Variants in ZNF536 observed in about 807,000 individuals in gnomAD.
ZNF536 encodes zinc finger protein 536.
ZNF536 carries 13 observed loss-of-function variants against 84.5 expected under a neutral mutation model. The observed-to-expected ratio is 0.15, with a 90% CI of 0.10 to 0.24. ZNF536 has a LOEUF of 0.24. Ranked by LOEUF, ZNF536 falls within the 10% of genes least tolerant of loss-of-function variation. The probability of loss-of-function intolerance (pLI) is 1.00; values close to 1 mark genes in which losing one functional copy is unlikely to be tolerated. For synonymous variants in ZNF536, 811 were observed against 742.5 expected, an observed-to-expected ratio of 1.09 and a Z score of -1.50; for missense variants, 1,536 against 1,747.5, an observed-to-expected ratio of 0.88 and a Z score of 2.16.
At chr19:30,305,722 C>T (rs1286399556) in intron 2 of ZNF536, among the ~76,000 whole-genome samples, 1 of 152,188 alleles carries the variant, frequency 6.6e-6, no homozygotes, top group Non-Finnish European at 1.5e-5. Context: ...GCCCACTGTT[C>T]AACACCTGAA....
chr19:30,487,293 G>A lies in ZNF536; in HGVS notation c.2170+41561G>A, dbSNP rs190511938. On this transcript the variant is annotated intron_variant, in intron 2 of 4. Coordinates refer to ENST00000355537, the MANE Select transcript of ZNF536 (RefSeq NM_014717.3). The stretch of plus-strand genomic sequence containing the variant: ...AACAGGAATTGTGTTAAAATGTATG[G>A]CACTGGGGCATTCCATGGAGACAGA... Among the ~76,000 whole-genome samples, 29 of 152,302 alleles carry A rather than the reference G, an allele frequency of 1.9e-4. No homozygotes were observed. The East Asian group carries it at 5.0e-3, about 26-fold the overall frequency.
At position 30,647,980 on chromosome 19, in the gene ZNF536, A is replaced by G. The variant is rs910857004; in HGVS notation, c.170-62777A>G. ...CTCTCATATGAAGTCAGCTTCAGCC[A>G]GGAAGCTTGCCTTCACTTTTCTTCT... is the stretch of plus-strand genomic sequence containing the variant. On this transcript the variant is annotated intron_variant, in intron 1 of 1. Coordinates refer to the ZNF536 transcript ENST00000592773. 2.0e-5 allele frequency among the ~76,000 whole-genome samples: 3 copies of G among 152,190 alleles called. No individual in the cohort carries two copies. The South Asian group carries it at 6.2e-4, about 32-fold the overall frequency.
intron 2 of ZNF536, among the ~76,000 whole-genome samples, chr19:30,336,167 A>G (rs1473073926): frequency 6.6e-6 from 1 of 152,186 alleles, no homozygotes; most frequent in Non-Finnish European, 1.5e-5. Context: ...GCATGAGAGT[A>G]AGGCAGAACC....
At chr19:30,301,892 G>C (rs1435363945) in intron 2 of ZNF536, among the ~76,000 whole-genome samples, 1 of 151,402 alleles carries the variant, frequency 6.6e-6, no homozygotes, top group South Asian at 2.1e-4. Context: ...AGAGGTCCCT[G>C]CCAGGTGCCG....
At chr19:30,467,042 T>C (rs989632745) in intron 2 of ZNF536, among the ~76,000 whole-genome samples, 3 of 152,180 alleles carry the variant, frequency 2.0e-5, no homozygotes, top group African/African-American at 7.2e-5. Flanking sequence ...AGTTTCACCA[T>C]GTTGGCCAGG....
intron 1 of ZNF536, among the ~76,000 whole-genome samples, chr19:30,567,867 T>A (rs574842276): frequency 2.2e-4 from 33 of 152,274 alleles, no homozygotes; most frequent in African/African-American, 7.7e-4. Context: ...GTGGGTGGGA[T>A]CTGAACTTGA....
chr19:30,617,071 T>A (rs780973388), intron 1 of ZNF536, among the ~76,000 whole-genome samples: 3 of 152,084 alleles, frequency 2.0e-5, no homozygotes, highest in Non-Finnish European at 4.4e-5. Flanking sequence ...TATTGTGAAC[T>A]GAATGTTCAT....
chr19:30,480,306 C>T (rs902467588), intron 2 of ZNF536, among the ~76,000 whole-genome samples: 1 of 152,156 alleles, frequency 6.6e-6, no homozygotes, highest in Non-Finnish European at 1.5e-5. Context: ...CAGAACAATC[C>T]CTTCTCCTCT....
At chr19:30,331,770 T>A (rs1482098299) in intron 2 of ZNF536, among the ~76,000 whole-genome samples, 1 of 152,108 alleles carries the variant, frequency 6.6e-6, no homozygotes, top group Non-Finnish European at 1.5e-5. Context: ...AAATCACTGT[T>A]TGTGATGCCT....
intron 1 of ZNF536, among the ~76,000 whole-genome samples, chr19:30,622,490 T>G (rs972221192): frequency 6.6e-6 from 1 of 152,262 alleles, no homozygotes; most frequent in Non-Finnish European, 1.5e-5. Context: ...CTGGATGTGT[T>G]GTTCGAAAAC....
At chr19:30,248,964 G>A (rs1324488339) in intron 1 of ZNF536, among the ~76,000 whole-genome samples, 6 of 152,186 alleles carry the variant, frequency 3.9e-5, no homozygotes, top group Non-Finnish European at 8.8e-5. Context: ...GCTGCCAAAC[G>A]GGGGTTTAAC....
intron 1 of ZNF536, among the ~76,000 whole-genome samples, chr19:30,405,830 T>A (rs146539452): frequency 6.6e-6 from 1 of 151,130 alleles, no homozygotes; most frequent in Non-Finnish European, 1.5e-5. Context: ...CAGGTTGGAG[T>A]GCACTGGCAC....
chr19:30,488,693 T>C (rs2054390003), intron 2 of ZNF536, among the ~76,000 whole-genome samples: 1 of 151,932 alleles, frequency 6.6e-6, no homozygotes, highest in Non-Finnish European at 1.5e-5. Flanking sequence ...AGAGGGCGGG[T>C]TGAGGGGTCA....
At chr19:30,680,352 T>C (rs1222285279) in intron 1 of ZNF536, among the ~76,000 whole-genome samples, 1 of 151,122 alleles carries the variant, frequency 6.6e-6, no homozygotes, top group Non-Finnish European at 1.5e-5. Flanking sequence ...GCTGCACCCA[T>C]TAACTCGTCA....
chr19:30,575,195 C>T (rs2046687469), intron 1 of ZNF536, among the ~76,000 whole-genome samples: 1 of 152,226 alleles, frequency 6.6e-6, no homozygotes, highest in Non-Finnish European at 1.5e-5. Context: ...ATGCCAGGCA[C>T]TCTTCTCAAC....
intron 2 of ZNF536, among the ~76,000 whole-genome samples, chr19:30,466,580 A>AGAGAG: frequency 2.6e-5 from 2 of 76,868 alleles, no homozygotes; most frequent in African/African-American, 2.5e-4. Flanking sequence ...GAAAGAAAGA[A>AGAGAG]AGAAAGAGAG....
intron 1 of ZNF536, among the ~76,000 whole-genome samples, chr19:30,373,762 T>G (rs1436597039): frequency 1.3e-5 from 2 of 152,206 alleles, no homozygotes; most frequent in Non-Finnish European, 2.9e-5. Context: ...CCGGCAAATC[T>G]GCATGCAAAT....
chr19:30,479,553 C>G (rs2053986975), intron 2 of ZNF536, among the ~76,000 whole-genome samples: 1 of 152,224 alleles, frequency 6.6e-6, no homozygotes, highest in Admixed American at 6.5e-5. Flanking sequence ...TTGCATCACT[C>G]ATTTTCCCCT....
At chr19:30,533,143 A>G (rs897169140) in intron 2 of ZNF536, among the ~76,000 whole-genome samples, 2 of 152,220 alleles carry the variant, frequency 1.3e-5, no homozygotes, top group African/African-American at 4.8e-5. Flanking sequence ...GGGTGATGAT[A>G]TGGTCGTACA....
Sources: allele counts gnomAD v4.1 joint callset (sites outside exome capture counted in the v4.1 genomes callset), GRCh38; gene constraint gnomAD v4.1.1; transcripts MANE v1.5; gene names NCBI Gene and HGNC (gene_info 2026-07-23, HGNC 2026-07-21).